Variants in DPP6 observed in about 807,000 individuals in gnomAD.
DPP6 encodes dipeptidyl peptidase like 6.
A neutral mutation model predicts 122.6 loss-of-function variants in DPP6; 69 were observed. The observed-to-expected ratio is 0.56, with a 90% CI of 0.46 to 0.69. DPP6 has a LOEUF of 0.69. Among genes scored for constraint, DPP6 ranks in the 30% least tolerant of loss-of-function variants. The pLI is 0.00. For synonymous variants in DPP6, 418 were observed against 433.1 expected (o/e 0.97, Z 0.43); for missense variants, 928 against 1,116.9 (o/e 0.83, Z 2.41).
At position 154,889,444 on chromosome 7, in the gene DPP6, T is replaced by G. The variant is rs1197782545; in HGVS notation, c.2378-13T>G. 1 of 1,568,764 alleles carries G rather than the reference T, an allele frequency of 6.4e-7. No homozygotes were observed. Among genetic ancestry groups the G allele is most frequent in the Admixed American group, 1.9e-5 (1 of 51,396 alleles). On this transcript the variant is annotated splice_polypyrimidine_tract_variant and intron_variant, in intron 24 of 25. Coordinates refer to ENST00000377770, the MANE Select transcript of DPP6 (RefSeq NM_130797.4). Reference sequence around the variant, plus strand: ...AATGTCTTCCTCTCTTTTTTTTTTTTTTTTTTGCACAGAAAAAATTCATTT... The same window carrying G: ...AATGTCTTCCTCTCTTTTTTTTTTTGTTTTTTGCACAGAAAAAATTCATTT...
At chr7:153,976,977 T>A (rs1256425871) in intron 1 of DPP6, among the ~76,000 whole-genome samples, 2 of 152,226 alleles carry the variant, frequency 1.3e-5, no homozygotes, top group African/African-American at 4.8e-5. Context: ...GCTCAGGGGA[T>A]AGCACCCTCT....
intron 1 of DPP6, among the ~76,000 whole-genome samples, chr7:154,193,295 A>G (rs1798704472): frequency 6.6e-6 from 1 of 152,236 alleles, no homozygotes; most frequent in Non-Finnish European, 1.5e-5. Context: ...AGGAAAAAAC[A>G]GCATTCTCGT....
chr7:153,762,209 G>A, the DPP6 span, among the ~76,000 whole-genome samples: 6 of 152,234 alleles, frequency 3.9e-5, no homozygotes, highest in South Asian at 4.2e-4. Flanking sequence ...TTGTAACCAC[G>A]GAGAATAGAT....
At chr7:153,913,834 T>C (rs1477223522) in intron 1 of DPP6, among the ~76,000 whole-genome samples, 2 of 152,202 alleles carry the variant, frequency 1.3e-5, no homozygotes, top group East Asian at 3.9e-4. Flanking sequence ...GGAAGAGGGC[T>C]TGGCTGGTGC....
At chr7:154,062,963 G>A (rs1247541603) in intron 1 of DPP6, among the ~76,000 whole-genome samples, 2 of 134,118 alleles carry the variant, frequency 1.5e-5, no homozygotes, top group African/African-American at 2.7e-5. Context: ...ATCTTCCGAC[G>A]GCAGGTACCT....
intron 2 of DPP6, among the ~76,000 whole-genome samples, chr7:154,456,378 G>A (rs1215359565): frequency 1.3e-5 from 2 of 152,190 alleles, no homozygotes; most frequent in East Asian, 3.9e-4. Flanking sequence ...TCAGTTAAGT[G>A]ATAATTTGCA....
At chr7:154,668,830 G>A (rs1838363995) in intron 6 of DPP6, among the ~76,000 whole-genome samples, 1 of 152,140 alleles carries the variant, frequency 6.6e-6, no homozygotes, top group Non-Finnish European at 1.5e-5. Flanking sequence ...AATATAAGGA[G>A]GTTTGAAAGG....
upstream of DPP6, among the ~76,000 whole-genome samples, chr7:153,885,117 GA>G (rs1198407429): frequency 4.6e-3 from 689 of 149,644 alleles, 5 homozygotes; most frequent in African/African-American, 0.016. Flanking sequence ...TGCTTGGTGG[GA>G]AAGAGAGGGA....
chr7:154,052,121 C>T (rs868427818), upstream of DPP6, among the ~76,000 whole-genome samples: 9 of 146,642 alleles, frequency 6.1e-5, no homozygotes, highest in African/African-American at 2.0e-4. This position sits in a 1 kb window ranked among gnomAD's most constrained non-coding sequence, Gnocchi z 4.8. Context: ...GCGGGGCACT[C>T]GCAGCACTAC....
chr7:154,304,792 T>C (rs575652487), intron 1 of DPP6, among the ~76,000 whole-genome samples: 12 of 152,268 alleles, frequency 7.9e-5, no homozygotes, highest in South Asian at 4.1e-4. Context: ...CCAGACCCCC[T>C]TCCTTCTCAA....
intron 1 of DPP6, among the ~76,000 whole-genome samples, chr7:154,408,084 G>T (rs1816273694): frequency 6.6e-6 from 1 of 152,200 alleles, no homozygotes; most frequent in South Asian, 2.1e-4. Flanking sequence ...AGAAATAGTA[G>T]TAATAGTAGG....
chr7:154,748,427 C>A (rs1320473506), intron 8 of DPP6, among the ~76,000 whole-genome samples: 1 of 152,238 alleles, frequency 6.6e-6, no homozygotes, highest in East Asian at 1.9e-4. Flanking sequence ...TTCTCTCCTG[C>A]CGCCACCCAC....
At chr7:154,758,105 G>A (rs1236444862) in intron 8 of DPP6, among the ~76,000 whole-genome samples, 1 of 152,208 alleles carries the variant, frequency 6.6e-6, no homozygotes, top group East Asian at 1.9e-4. Flanking sequence ...TTGCAGACAT[G>A]TTCTTGCCTG....
chr7:154,199,293 C>T (rs1799042053), intron 1 of DPP6, among the ~76,000 whole-genome samples: 1 of 152,188 alleles, frequency 6.6e-6, no homozygotes, highest in African/African-American at 2.4e-5. Context: ...TGTTGTCACT[C>T]ATCCATTTTC....
chr7:154,431,702 T>TTTTTA (rs1818440394), intron 1 of DPP6, among the ~76,000 whole-genome samples: 2 of 151,746 alleles, frequency 1.3e-5, no homozygotes, highest in Non-Finnish European at 2.9e-5. Context: ...GCCTGGCTAA[T>TTTTTA]TTTTGTATTT....
intron 10 of DPP6, among the ~76,000 whole-genome samples, chr7:154,781,071 G>A (rs1796997300): frequency 6.6e-6 from 1 of 151,996 alleles, no homozygotes; most frequent in South Asian, 2.1e-4. Context: ...ATGGATGATG[G>A]ACAGTTGGAT....
chr7:154,370,262 C>T (rs1812541407), intron 1 of DPP6, among the ~76,000 whole-genome samples: 1 of 151,902 alleles, frequency 6.6e-6, no homozygotes, highest in African/African-American at 2.4e-5. Context: ...GGATTATAGG[C>T]ATGAGCCACC....
chr7:154,681,701 C>G (rs1213973771), intron 7 of DPP6, among the ~76,000 whole-genome samples: 1 of 152,202 alleles, frequency 6.6e-6, no homozygotes, highest in African/African-American at 2.4e-5. Flanking sequence ...GAGGGAACAC[C>G]TCTTCATCAT....
At chr7:154,881,041 T>A in intron 21 of DPP6, 99 bp downstream of exon 21, 2 of 1,425,784 alleles carry the variant, frequency 1.4e-6, no homozygotes, top group Non-Finnish European at 9.2e-7. Context: ...GTCTGTGGTC[T>A]GCTGGTGAGC....
Sources: gnomAD v4.1 joint callset for allele counts (sites outside exome capture counted in the v4.1 genomes callset) on GRCh38, gnomAD v4.1.1 for gene constraint, Gnocchi (gnomAD v3.1) non-coding constraint, MANE v1.5 for transcripts, NCBI Gene and HGNC (gene_info 2026-07-23, HGNC 2026-07-21) for gene names.